The following AGBL1 variants were observed in gnomAD, a reference collection of about 807,000 sequenced individuals.
The protein encoded by AGBL1 is cytosolic carboxypeptidase 4.
A neutral mutation model predicts 118.9 loss-of-function variants in AGBL1; 130 were observed. The observed-to-expected ratio is 1.09, with a 90% CI of 0.95 to 1.26. The LOEUF is 1.26. Ranked by LOEUF, AGBL1 falls within the 50% of genes most tolerant of loss-of-function variation. The pLI, the probability that AGBL1 is intolerant of heterozygous loss-of-function variation, is 0.00. For synonymous variants in AGBL1, 555 were observed against 478.9 expected (o/e 1.16, Z -2.08); for missense variants, 1,584 against 1,298.1 (o/e 1.22, Z -3.38).
At chr15:86,380,348 A>G (rs370154832) in intron 17 of AGBL1, among the ~76,000 whole-genome samples, 21 of 94,420 alleles carry the variant, frequency 2.2e-4, no homozygotes, top group Middle Eastern at 5.2e-3. Context: ...ACAGTGGTGC[A>G]ATCTCGGCTC....
chr15:86,544,522 T>G (rs2083551336), intron 19 of AGBL1, among the ~76,000 whole-genome samples: 1 of 152,176 alleles, frequency 6.6e-6, no homozygotes, highest in Non-Finnish European at 1.5e-5. Flanking sequence ...TCCACATGGC[T>G]GGGGAGGCCT....
intron 6 of AGBL1, 45 bp from the exon 7 acceptor site, chr15:86,247,626 C>A: frequency 6.6e-7 from 1 of 1,514,944 alleles, no homozygotes; most frequent in Non-Finnish European, 9.0e-7. Context: ...AGAGGTGTGG[C>A]TGTGGAGAGC....
chr15:86,820,780 C>G (rs2078930813), intron 22 of AGBL1, among the ~76,000 whole-genome samples: 1 of 152,078 alleles, frequency 6.6e-6, no homozygotes, highest in South Asian at 2.1e-4. Flanking sequence ...GACAATTCCT[C>G]AAGGATCTAG....
chr15:86,917,578 A>T (rs1360855499), downstream of AGBL1, among the ~76,000 whole-genome samples: 1 of 152,204 alleles, frequency 6.6e-6, no homozygotes. The surrounding 1 kb of genome is among the most constrained non-coding windows in gnomAD (Gnocchi z 4.8). Flanking sequence ...ACATATGCGG[A>T]TCACCTCTAC....
At chr15:86,747,941 G>A (rs1367700633) in intron 22 of AGBL1, among the ~76,000 whole-genome samples, 4 of 152,118 alleles carry the variant, frequency 2.6e-5, no homozygotes, top group Non-Finnish European at 5.9e-5. Flanking sequence ...ATAAACATAC[G>A]TGTGCATGTG....
intron 22 of AGBL1, among the ~76,000 whole-genome samples, chr15:86,801,175 T>C (rs569112393): frequency 6.6e-6 from 1 of 152,206 alleles, no homozygotes; most frequent in East Asian, 1.9e-4. Context: ...GTAGCAACCA[T>C]CATGGTTCCT....
intron 15 of AGBL1, 77 bp from the exon 16 acceptor site, chr15:86,279,562 A>G (rs2079313511): frequency 7.0e-7 from 1 of 1,420,098 alleles, no homozygotes; most frequent in African/African-American, 1.4e-5. Flanking sequence ...GATTTATAGC[A>G]TCTAGGACCC....
intron 22 of AGBL1, among the ~76,000 whole-genome samples, chr15:86,824,059 G>A (rs1208232887): frequency 1.3e-5 from 2 of 152,000 alleles, no homozygotes; most frequent in East Asian, 3.9e-4. Context: ...TTCAACACAA[G>A]CCTGGAAGCT....
At chr15:86,272,985 A>C (rs1340080067) in intron 15 of AGBL1, among the ~76,000 whole-genome samples, 1 of 152,228 alleles carries the variant, frequency 6.6e-6, no homozygotes. Context: ...GGAAAAAAAA[A>C]TGAAAACCTA....
At chr15:86,337,494 G>C (rs1210499282) in intron 17 of AGBL1, among the ~76,000 whole-genome samples, 1 of 152,110 alleles carries the variant, frequency 6.6e-6, no homozygotes, top group Non-Finnish European at 1.5e-5. Flanking sequence ...AGAAAATGTG[G>C]TACATATACA....
intron 22 of AGBL1, among the ~76,000 whole-genome samples, chr15:86,743,381 T>A (rs1184284318): frequency 6.6e-6 from 1 of 152,112 alleles, no homozygotes; most frequent in East Asian, 1.9e-4. Flanking sequence ...CTGGGGAACA[T>A]CTTTCAAATC....
At chr15:87,027,095 C>T (rs1056373200) in intron 24 of AGBL1, among the ~76,000 whole-genome samples, 5 of 151,962 alleles carry the variant, frequency 3.3e-5, no homozygotes, top group African/African-American at 4.8e-5. Flanking sequence ...AGAACTTACT[C>T]ATGTCACCAA....
At chr15:86,448,657 C>T (rs2082156644) in intron 18 of AGBL1, among the ~76,000 whole-genome samples, 1 of 152,158 alleles carries the variant, frequency 6.6e-6, no homozygotes, top group African/African-American at 2.4e-5. Flanking sequence ...TCTAGGCTAA[C>T]ATCTCTTTAG....
At chr15:86,326,732 C>A (rs2080190388) in intron 17 of AGBL1, among the ~76,000 whole-genome samples, 1 of 152,044 alleles carries the variant, frequency 6.6e-6, no homozygotes, top group Non-Finnish European at 1.5e-5. Flanking sequence ...ATTTGAGCAA[C>A]CTTCTTAAAT....
chr15:86,158,536 G>T (rs193152125), intron 4 of AGBL1, among the ~76,000 whole-genome samples: 1 of 152,218 alleles, frequency 6.6e-6, no homozygotes, highest in Non-Finnish European at 1.5e-5. Context: ...TTGGAGAGAC[G>T]CTGGGGCATC....
At chr15:86,225,395 C>T (rs1442385589) in intron 6 of AGBL1, among the ~76,000 whole-genome samples, 1 of 152,144 alleles carries the variant, frequency 6.6e-6, no homozygotes, top group Non-Finnish European at 1.5e-5. Flanking sequence ...GTATTTGGTT[C>T]TCAACTCAGC....
intron 15 of AGBL1, among the ~76,000 whole-genome samples, chr15:86,272,782 T>C (rs1443381239): frequency 2.6e-5 from 4 of 152,186 alleles, no homozygotes; most frequent in Non-Finnish European, 5.9e-5. Context: ...CCTGATCTAT[T>C]AGGATATGAA....
chr15:86,815,793 T>C (rs1462978392), intron 22 of AGBL1, among the ~76,000 whole-genome samples: 1 of 152,084 alleles, frequency 6.6e-6, no homozygotes, highest in African/African-American at 2.4e-5. Flanking sequence ...TCCCAGAATA[T>C]GGAGACTATG....
intron 22 of AGBL1, among the ~76,000 whole-genome samples, chr15:86,819,665 A>T (rs895262331): frequency 6.6e-6 from 1 of 152,170 alleles, no homozygotes; most frequent in Admixed American, 6.5e-5. Flanking sequence ...ATGGAAAAAC[A>T]TTCCATGCTC....
Sources: gnomAD v4.1 joint callset for allele counts (sites outside exome capture counted in the v4.1 genomes callset) on GRCh38, gnomAD v4.1.1 for gene constraint, Gnocchi (gnomAD v3.1) non-coding constraint, MANE v1.5 for transcripts, NCBI Gene and HGNC (gene_info 2026-07-23, HGNC 2026-07-21) for gene names.